The following HSPA4L variants were observed in gnomAD, a reference collection of about 807,000 sequenced individuals.
The protein encoded by HSPA4L is heat shock protein family A (Hsp70) member 4 like, also known as heat shock 70 kDa protein 4L.
Under a neutral mutation model 100.3 loss-of-function variants are expected in HSPA4L, and 48 were observed. The ratio of observed to expected loss-of-function variants is 0.48; its 90% CI spans 0.38 to 0.61. HSPA4L has a LOEUF of 0.61. HSPA4L is among the 20% of genes least tolerant of loss of function. The probability of loss-of-function intolerance (pLI) is 0.00; values close to 1 mark genes in which losing one functional copy is unlikely to be tolerated. For missense variants in HSPA4L, 886 were observed against 988.6 expected (o/e 0.90, Z 1.39); for synonymous variants, 319 against 328.2 (o/e 0.97, Z 0.30).
intron 1 of HSPA4L, 106 bp downstream of exon 1, chr4:127,782,763 C>A: frequency 1.2e-6 from 1 of 810,106 alleles, no homozygotes; most frequent in Non-Finnish European, 1.9e-6. Context: ...CCCTAACGTG[C>A]GCCGAACCCC....
chr4:127,811,403 C>T, intron 11 of HSPA4L, 34 bp from the exon 12 acceptor site: 2 of 1,492,370 alleles, frequency 1.3e-6, no homozygotes, highest in Non-Finnish European at 1.9e-6. Context: ...TAATCTGAGG[C>T]TCACATACTG....
In HSPA4L at chr4:127,834,512, AAAAAATCAT is replaced by A. The variant is rs2148803554; in HGVS notation, c.*1640_*1648del. 1 of 152,264 alleles carries A rather than the reference AAAAAATCAT, an allele frequency of 6.6e-6. No homozygotes were observed. Among genetic ancestry groups the A allele is most frequent in the African/African-American group, 2.4e-5 (1 of 41,572 alleles). The allele number at this position is 152,264 out of a possible 1,614,324, so 9.4% of individuals were successfully genotyped here. A position where few individuals can be genotyped will look rare whatever the true frequency, so the allele number is the denominator to read the frequency against. On this transcript the variant is annotated 3_prime_UTR_variant, in exon 19 of 19. Transcript: ENST00000296464. ...AGGGGAAGAATCTCTTTTTTGCATT[AAAAAATCAT>A]ATAAACTTAATATATTTTTAAACTC...
intron 17 of HSPA4L, 22 bp from the exon 18 acceptor site, chr4:127,830,616 C>A: frequency 2.6e-6 from 4 of 1,542,878 alleles, no homozygotes; most frequent in South Asian, 2.5e-5. Flanking sequence ...AACATGCAGT[C>A]AAGCTTTTTT....
Position 127,801,791 on chromosome 4 carries a change from T to C in HSPA4L, c.536T>C (p.Leu179Pro), listed in dbSNP as rs1231978187. ...RLMNETTAVA[L>P]AYGIYKQDLP... ...ATTCTTTGTTCTTATACAGTTGCACTGGCGTATGGAATTTATAAACAGGAT... is the reference window on the plus strand; with the variant it reads ...ATTCTTTGTTCTTATACAGTTGCACCGGCGTATGGAATTTATAAACAGGAT... Residue 179 changes from leucine (L) to proline (P), a missense_variant, in exon 6 of 19, where the codon CTG becomes CCG. By Grantham distance (98) the Leu-to-Pro change is moderately conservative. Coordinates refer to ENST00000296464, the MANE Select transcript of HSPA4L (RefSeq NM_014278.4). The C allele has an allele frequency of 1.2e-6, 2 of 1,601,308 alleles. No homozygotes were observed. Among genetic ancestry groups the C allele is most frequent in the Admixed American group, 1.8e-5 (1 of 56,878 alleles).
At chr4:127,810,060 TTCTTCTATAAACA>T (rs1444921051) in intron 11 of HSPA4L, among the ~76,000 whole-genome samples, 2 of 151,974 alleles carry the variant, frequency 1.3e-5, no homozygotes, top group African/African-American at 2.4e-5. Context: ...TATAAACATA[TTCTTCTATAAACA>T]TCTTCTATAA....
intron 6 of HSPA4L, among the ~76,000 whole-genome samples, chr4:127,802,382 C>A (rs761134869): frequency 6.6e-6 from 1 of 152,088 alleles, no homozygotes; most frequent in Non-Finnish European, 1.5e-5. Context: ...TACATTGATT[C>A]TTTTGTCCAG....
At chr4:127,792,335 A>G (rs1732901081) in intron 1 of HSPA4L, among the ~76,000 whole-genome samples, 1 of 152,192 alleles carries the variant, frequency 6.6e-6, no homozygotes. Flanking sequence ...TCCAAATTAT[A>G]TTCTTCTAGT....
At chr4:127,820,275 C>T (rs894417244) in intron 13 of HSPA4L, among the ~76,000 whole-genome samples, 153 bp from the exon 14 acceptor site, 1 of 152,100 alleles carries the variant, frequency 6.6e-6, no homozygotes, top group Non-Finnish European at 1.5e-5. Context: ...TAGGATTTAA[C>T]ATACACAGAC....
chr4:127,795,536 G>T (rs541803716), intron 2 of HSPA4L, among the ~76,000 whole-genome samples: 1 of 152,224 alleles, frequency 6.6e-6, no homozygotes, highest in South Asian at 2.1e-4. Context: ...CATTAATTTT[G>T]AATCTAACAT....
At chr4:127,807,872 C>T (rs937866398) in intron 10 of HSPA4L, 124 bp from the exon 11 acceptor site, 6 of 914,542 alleles carry the variant, frequency 6.6e-6, no homozygotes, top group African/African-American at 3.4e-5. Flanking sequence ...ATTGTTTTTT[C>T]TTTTTATTTG....
chr4:127,839,585 C>T lies in HSPA4L; in HGVS notation c.*6711C>T, dbSNP rs1734314966. 1 of 151,450 alleles carries T rather than the reference C, an allele frequency of 6.6e-6. No individual in the cohort carries two copies. Among genetic ancestry groups the T allele is most frequent in the African/African-American group, 2.4e-5 (1 of 41,178 alleles). The allele number at this position is 151,450 out of a possible 1,614,324, so 9.4% of individuals were successfully genotyped here. ...GTGTGTGCCTATAGTCCCAGCTATT[C>T]GGGAGGCTGAGGCAAGAGAATTGCT... On this transcript the variant is annotated 3_prime_UTR_variant, in exon 19 of 19. Transcript: ENST00000296464.
chr4:127,783,436 TA>T, intron 1 of HSPA4L: 1 of 1,308,212 alleles, frequency 7.6e-7, no homozygotes, highest in Non-Finnish European at 9.9e-7. Context: ...CTGTCCCGTA[TA>T]AACATGACTG....
chr4:127,840,047 T>C lies in HSPA4L; in HGVS notation c.*7173T>C, dbSNP rs1734326389. 1 of 151,844 alleles carries C rather than the reference T, an allele frequency of 6.6e-6. No individual in the cohort carries two copies. Among genetic ancestry groups the C allele is most frequent in the Admixed American group, 6.6e-5 (1 of 15,244 alleles). The allele number at this position is 151,844 out of a possible 1,614,324, so 9.4% of individuals were successfully genotyped here. ...GCCTGGCCAACATGGTGAAACCCCA[T>C]CTCTACTAAAAAAAATACAAAAATT... is the stretch of plus-strand genomic sequence containing the variant. On this transcript the variant is annotated 3_prime_UTR_variant, in exon 19 of 19. Coordinates refer to ENST00000296464, the MANE Select transcript of HSPA4L (RefSeq NM_014278.4).
Position 127,833,998 on chromosome 4 carries a change from A to G in HSPA4L, c.*1124A>G, listed in dbSNP as rs981174554. Reference sequence around the variant, plus strand: ...TTAAATTATAGTTCCTGCTGTTAACATTACCTTTTGAAACCTTGGCTCCAG... The same window carrying G: ...TTAAATTATAGTTCCTGCTGTTAACGTTACCTTTTGAAACCTTGGCTCCAG... On this transcript the variant is annotated 3_prime_UTR_variant, in exon 19 of 19. Coordinates refer to ENST00000296464, the MANE Select transcript of HSPA4L (RefSeq NM_014278.4). 3.9e-5 allele frequency: 6 copies of G among 152,158 alleles called. No homozygotes were observed. Among genetic ancestry groups the G allele is most frequent in the African/African-American group, 9.6e-5 (4 of 41,452 alleles). The allele number at this position is 152,158 out of a possible 1,614,324, so 9.4% of individuals were successfully genotyped here. A position where few individuals can be genotyped will look rare whatever the true frequency, so the allele number is the denominator to read the frequency against.
rs202236601 is a variant in HSPA4L, at chr4:127,820,568, A to G, written c.1812+3A>G. On this transcript the variant is annotated splice_donor_region_variant and intron_variant, in intron 14 of 18. Transcript: ENST00000296464. Reference sequence around the variant, plus strand: ...TCAACAGCTACATTGAAAATGAGGTATGTAAATCTGAGTTGATGCTGAAAT... The same window carrying G: ...TCAACAGCTACATTGAAAATGAGGTGTGTAAATCTGAGTTGATGCTGAAAT... 1.6e-3 allele frequency: 2,514 copies of G among 1,594,226 alleles called. 38 individuals are homozygous for G. In the South Asian group the frequency reaches 0.021, roughly 13 times the overall value.
intron 12 of HSPA4L, among the ~76,000 whole-genome samples, chr4:127,812,368 C>T (rs1733555115): frequency 6.8e-6 from 1 of 147,904 alleles, no homozygotes; most frequent in African/African-American, 2.5e-5. Context: ...GAGATCGCAC[C>T]ACTGCACTCC....
rs557712899 is a variant in HSPA4L at position 127,798,214 on chromosome 4, C to G, written c.307-373C>G. Among the ~76,000 whole-genome samples the G allele has an allele frequency of 5.3e-3, 807 of 152,166 alleles. 7 individuals are homozygous for G. Among genetic ancestry groups the G allele is most frequent in the Middle Eastern group, 0.027 (8 of 294 alleles). ...ATGACTGAAGCTTTTATTTTAAACC[C>G]AGGGAGAGTTCTGACTTTCAAAAGA... On this transcript the variant is annotated intron_variant, in intron 3 of 18. Coordinates refer to ENST00000296464, the MANE Select transcript of HSPA4L (RefSeq NM_014278.4).
chr4:127,810,797 A>G (rs1012600292), intron 11 of HSPA4L, among the ~76,000 whole-genome samples: 5 of 152,130 alleles, frequency 3.3e-5, no homozygotes, highest in Admixed American at 6.5e-5. Context: ...GGTACTACGC[A>G]CAGTGTGGGA....
rs202096341 is a variant in HSPA4L at position 127,807,789 on chromosome 4, GTTA to G, written c.1245-202_1245-200del. On this transcript the variant is annotated intron_variant, in intron 10 of 18. Transcript: ENST00000296464. ...TCTTTTTAATAGTATACAGTTGTCT[GTTA>G]TTATGATAGACATTATGAAAACTTT... Among the ~76,000 whole-genome samples, 9 of 152,162 alleles carry G rather than the reference GTTA, an allele frequency of 5.9e-5. No individual in the cohort carries two copies. The East Asian group carries it at 1.7e-3, about 29-fold the overall frequency.
Sources: allele counts gnomAD v4.1 joint callset (sites outside exome capture counted in the v4.1 genomes callset), GRCh38; gene constraint gnomAD v4.1.1; transcripts MANE v1.5; gene names NCBI Gene and HGNC (gene_info 2026-07-23, HGNC 2026-07-21).